GRM8: variants seen among roughly 807,000 people sequenced by gnomAD.
GRM8 encodes the protein metabotropic glutamate receptor 8.
GRM8 carries 47 observed loss-of-function variants against 87.2 expected under a neutral mutation model. The ratio of observed to expected loss-of-function variants is 0.54; its 90% confidence interval spans 0.43 to 0.69. The LOEUF (loss-of-function observed/expected upper bound fraction) is 0.69, where lower values mean the gene tolerates loss of function less well. Among genes scored for constraint, GRM8 ranks in the 30% least tolerant of loss-of-function variants. The probability of loss-of-function intolerance (pLI) is 0.00; values close to 1 mark genes in which losing one functional copy is unlikely to be tolerated. For synonymous variants in GRM8, 396 were observed against 404.5 expected, an observed-to-expected ratio of 0.98 and a Z score of 0.25; for missense variants, 1,019 against 1,139.2, an observed-to-expected ratio of 0.89 and a Z score of 1.52.
chr7:126,619,256 C>G (rs1375803242), intron 7 of GRM8, among the ~76,000 whole-genome samples: 1 of 152,160 alleles, frequency 6.6e-6, no homozygotes, highest in East Asian at 1.9e-4. Context: ...TCATCGTTCT[C>G]AGCAAACTAC....
rs1479649712 is a variant in GRM8, at chr7:126,763,472, T to TATATATATAC, written c.1357+6392_1357+6393insGTATATATAT. 2.0e-4 allele frequency among the ~76,000 whole-genome samples: 16 copies of TATATATATAC among 78,354 alleles called. No individual in the cohort carries two copies. The East Asian group carries it at 2.6e-3, about 13-fold the overall frequency. The allele number at this position is 78,354 out of a possible 152,430, so 51.4% of individuals were successfully genotyped here. On this transcript the variant is annotated intron_variant, in intron 7 of 10. Coordinates refer to ENST00000339582, the MANE Select transcript of GRM8 (RefSeq NM_000845.3). ...ATATATATATATATATATATATATATACACACACACACACACACACACACA... is the reference window on the plus strand; with the variant it reads ...ATATATATATATATATATATATATATATATATATACACACACACACACACACACACACACA...
Position 126,764,554 on chromosome 7 carries a change from A to G in GRM8, c.1357+5311T>C, listed in dbSNP as rs565850752. Among the ~76,000 whole-genome samples, 9 of 152,172 alleles carry G rather than the reference A, an allele frequency of 5.9e-5. No individual in the cohort carries two copies. The East Asian group carries it at 1.4e-3, about 23-fold the overall frequency. On this transcript the variant is annotated intron_variant, in intron 7 of 10. Transcript: ENST00000339582. ...TAGTGTTCAGAGACTCTCAAATTGT[A>G]TATTTGGAAATTTTGCATTAACTCT...
chr7:126,523,474 T>C (rs1049718238), intron 9 of GRM8, among the ~76,000 whole-genome samples: 1 of 152,042 alleles, frequency 6.6e-6, no homozygotes, highest in Non-Finnish European at 1.5e-5. Flanking sequence ...CCCCTCTCTA[T>C]TGTCCCTTTT....
At chr7:126,976,422 G>C (rs552963407) in intron 3 of GRM8, among the ~76,000 whole-genome samples, 1 of 152,000 alleles carries the variant, frequency 6.6e-6, no homozygotes, top group Non-Finnish European at 1.5e-5. Flanking sequence ...GGTGAAACCC[G>C]TCTCTACTAA....
intron 6 of GRM8, among the ~76,000 whole-genome samples, chr7:126,862,266 G>A (rs1798199662): frequency 6.6e-6 from 1 of 151,498 alleles, no homozygotes; most frequent in Non-Finnish European, 1.5e-5. Flanking sequence ...TGTTTTATAT[G>A]GTCAGTTTCT....
At chr7:127,172,060 CAT>C (rs1383877748) in intron 2 of GRM8, among the ~76,000 whole-genome samples, 1 of 151,610 alleles carries the variant, frequency 6.6e-6, no homozygotes, top group Non-Finnish European at 1.5e-5. Flanking sequence ...CATCATTCCA[CAT>C]GATTAATGGA....
intron 3 of GRM8, among the ~76,000 whole-genome samples, chr7:127,101,972 G>A (rs553007706): frequency 6.6e-6 from 1 of 152,316 alleles, no homozygotes; most frequent in Admixed American, 6.5e-5. Context: ...TGAGGTCTCA[G>A]ATGGAAATGA....
chr7:126,834,151 G>A (rs1795641265), intron 6 of GRM8, among the ~76,000 whole-genome samples: 1 of 152,162 alleles, frequency 6.6e-6, no homozygotes, highest in African/African-American at 2.4e-5. Context: ...AGGTAATATA[G>A]ATGTACTCAG....
At chr7:126,949,419 T>C (rs959452774) in intron 3 of GRM8, among the ~76,000 whole-genome samples, 6 of 152,212 alleles carry the variant, frequency 3.9e-5, no homozygotes, top group Non-Finnish European at 7.3e-5. Context: ...GAGTAGCTAA[T>C]AAAAAATTTT....
chr7:126,890,051 A>C (rs1294965258), intron 6 of GRM8, among the ~76,000 whole-genome samples: 1 of 152,134 alleles, frequency 6.6e-6, no homozygotes. Context: ...TTACATTTAC[A>C]TTTAAGTGTA....
chr7:126,973,306 T>C (rs1810620353), intron 3 of GRM8, among the ~76,000 whole-genome samples: 1 of 152,208 alleles, frequency 6.6e-6, no homozygotes, highest in Non-Finnish European at 1.5e-5. Context: ...CTGTATAAAA[T>C]AGTGGTTAGA....
rs549248501 is a variant in GRM8 at position 126,690,446 on chromosome 7, G to A, written c.1357+79419C>T. Reference sequence around the variant, plus strand: ...CAGGCATACCACAAGCAGTTTCCACGGCTGGCACTGGGGAACGCAGTGGTG... The same window carrying A: ...CAGGCATACCACAAGCAGTTTCCACAGCTGGCACTGGGGAACGCAGTGGTG... On this transcript the variant is annotated intron_variant, in intron 7 of 10. Transcript: ENST00000339582. 1.1e-4 allele frequency among the ~76,000 whole-genome samples: 17 copies of A among 152,314 alleles called. 1 individual carries two copies. The South Asian group carries it at 2.3e-3, about 20-fold the overall frequency.
At chr7:126,701,380 T>C (rs1585581793) in intron 7 of GRM8, among the ~76,000 whole-genome samples, 1 of 152,328 alleles carries the variant, frequency 6.6e-6, no homozygotes, top group Admixed American at 6.5e-5. Flanking sequence ...AAAGTACTTA[T>C]TAATCCTTGT....
At chr7:126,490,591 G>A (rs1431912839) in intron 9 of GRM8, among the ~76,000 whole-genome samples, 3 of 152,034 alleles carry the variant, frequency 2.0e-5, no homozygotes, top group Non-Finnish European at 4.4e-5. Context: ...ATATATAGAG[G>A]AGGTGGTCTC....
chr7:126,947,684 C>T (rs1807691970), intron 3 of GRM8, among the ~76,000 whole-genome samples: 1 of 151,988 alleles, frequency 6.6e-6, no homozygotes, highest in Non-Finnish European at 1.5e-5. Context: ...AAACAAGCCC[C>T]GAGGCCTTCC....
At chr7:126,811,737 C>A (rs781209016) in intron 6 of GRM8, among the ~76,000 whole-genome samples, 1 of 151,972 alleles carries the variant, frequency 6.6e-6, no homozygotes. Flanking sequence ...TTACTGGATT[C>A]ATTTATCAAA....
chr7:126,956,058 G>A lies in GRM8; in HGVS notation c.728-51375C>T, dbSNP rs1051318851. On this transcript the variant is annotated intron_variant, in intron 3 of 10. Transcript: ENST00000339582. ...GTCCAACAGAAAGCACGAATTTGAC[G>A]TGTCCAACAGAGAGGGACCAATTTT... 2.0e-5 allele frequency among the ~76,000 whole-genome samples: 3 copies of A among 152,090 alleles called. No individual in the cohort carries two copies. In the East Asian group the frequency reaches 5.8e-4, roughly 29 times the overall value.
chr7:127,202,532 C>G (rs1023483683), intron 2 of GRM8, among the ~76,000 whole-genome samples: 1 of 152,156 alleles, frequency 6.6e-6, no homozygotes, highest in African/African-American at 2.4e-5. Flanking sequence ...TTGCTAATAG[C>G]TACCATCTAT....
intron 8 of GRM8, among the ~76,000 whole-genome samples, chr7:126,598,719 T>C (rs1054572999): frequency 6.6e-6 from 1 of 152,150 alleles, no homozygotes; most frequent in Non-Finnish European, 1.5e-5. Context: ...GGACTACCTC[T>C]TCTCCAGCTA....
Sources: gnomAD v4.1 joint callset for allele counts (sites outside exome capture counted in the v4.1 genomes callset) on GRCh38, gnomAD v4.1.1 for gene constraint, MANE v1.5 for transcripts, NCBI Gene and HGNC (gene_info 2026-07-23, HGNC 2026-07-21) for gene names.